NOS1AP: variants seen among roughly 807,000 people sequenced by gnomAD.
NOS1AP encodes the protein nitric oxide synthase 1 adaptor protein, also known as carboxyl-terminal PDZ ligand of neuronal nitric oxide synthase protein.
NOS1AP carries 21 observed loss-of-function variants against 56.2 expected under a neutral mutation model. That is an observed-to-expected ratio of 0.37 (90% CI 0.26 to 0.54). The LOEUF (loss-of-function observed/expected upper bound fraction) is 0.54, where lower values mean the gene tolerates loss of function less well. Among genes scored for constraint, NOS1AP ranks in the 20% least tolerant of loss-of-function variants. NOS1AP has a pLI of 0.84. For synonymous variants in NOS1AP, 270 were observed against 274.6 expected (o/e 0.98, Z 0.17); for missense variants, 522 against 657.8 (o/e 0.79, Z 2.26).
At chr1:162,277,472 C>G (rs1443850944) in intron 2 of NOS1AP, among the ~76,000 whole-genome samples, 2 of 152,204 alleles carry the variant, frequency 1.3e-5, no homozygotes, top group East Asian at 1.9e-4. Context: ...TGTAGTTTCT[C>G]TCTTCCCAGC....
chr1:162,070,075 G>A lies in NOS1AP; in HGVS notation c.-103G>A. ...CCCCTGCCCAGCGCTCCCAGGCCCC[G>A]CCACGCGTCGCCGCGCCCAGCTCCA... On this transcript the variant is annotated 5_prime_UTR_variant, in exon 1 of 10. Coordinates refer to ENST00000361897, the MANE Select transcript of NOS1AP (RefSeq NM_014697.3). 1 of 923,560 alleles carries A rather than the reference G, an allele frequency of 1.1e-6. No homozygotes were observed. The highest frequency in any genetic ancestry group is 1.7e-6 in the Non-Finnish European group (1 of 590,216). 57.2% of individuals were successfully genotyped at this position (923,560 alleles called of 1,614,324 possible).
At chr1:162,240,970 A>G (rs1330339911) in intron 2 of NOS1AP, among the ~76,000 whole-genome samples, 2 of 152,168 alleles carry the variant, frequency 1.3e-5, no homozygotes, top group South Asian at 2.1e-4. Flanking sequence ...GTGGCTGTTC[A>G]AGGGCTGTTG....
chr1:162,087,365 G>C (rs1692026975), intron 1 of NOS1AP, among the ~76,000 whole-genome samples: 1 of 152,094 alleles, frequency 6.6e-6, no homozygotes. Context: ...ATGTGGGAGG[G>C]AGGCAGCCAC....
At chr1:162,282,784 A>T (rs1654971184) in intron 2 of NOS1AP, among the ~76,000 whole-genome samples, 1 of 152,246 alleles carries the variant, frequency 6.6e-6, no homozygotes, top group Non-Finnish European at 1.5e-5. Context: ...CTAGATAGGT[A>T]GTGAACACAG....
At chr1:162,108,771 A>G (rs1478692350) in intron 1 of NOS1AP, among the ~76,000 whole-genome samples, 1 of 152,202 alleles carries the variant, frequency 6.6e-6, no homozygotes, top group Non-Finnish European at 1.5e-5. Flanking sequence ...AAACTATGGG[A>G]GTGCAATCAG....
chr1:162,209,522 A>G (rs141918976), intron 2 of NOS1AP, among the ~76,000 whole-genome samples: 1 of 152,308 alleles, frequency 6.6e-6, no homozygotes, highest in African/African-American at 2.4e-5. Flanking sequence ...GGACTTGAAC[A>G]AGTCAGTTTC....
chr1:162,319,879 C>T (rs1656356562), intron 4 of NOS1AP, among the ~76,000 whole-genome samples: 1 of 152,220 alleles, frequency 6.6e-6, no homozygotes, highest in South Asian at 2.1e-4. Flanking sequence ...CTCACATACT[C>T]TGTTTCCTGC....
At chr1:162,259,247 A>G (rs1295085069) in intron 2 of NOS1AP, among the ~76,000 whole-genome samples, 2 of 152,218 alleles carry the variant, frequency 1.3e-5, no homozygotes, top group African/African-American at 4.8e-5. Context: ...TCCCACATCC[A>G]GAAAGGCATT....
intron 2 of NOS1AP, among the ~76,000 whole-genome samples, chr1:162,250,669 C>T (rs1653819974): frequency 6.6e-6 from 1 of 152,074 alleles, no homozygotes; most frequent in South Asian, 2.1e-4. Context: ...TGTGCACAGC[C>T]CTATGGTGAT....
intron 3 of NOS1AP, among the ~76,000 whole-genome samples, chr1:162,294,580 T>A (rs1655390027): frequency 6.6e-6 from 1 of 152,152 alleles, no homozygotes; most frequent in Non-Finnish European, 1.5e-5. Context: ...TTCCTTCAAG[T>A]TAACCTACTC....
At chr1:162,279,603 A>G (rs1654853202) in intron 2 of NOS1AP, among the ~76,000 whole-genome samples, 1 of 152,160 alleles carries the variant, frequency 6.6e-6, no homozygotes, top group South Asian at 2.1e-4. Context: ...CTGGTATTTC[A>G]TACCCTTCCC....
At chr1:162,255,117 G>A (rs890040004) in intron 2 of NOS1AP, among the ~76,000 whole-genome samples, 6 of 152,154 alleles carry the variant, frequency 3.9e-5, no homozygotes, top group African/African-American at 1.4e-4. Flanking sequence ...ACATCTCCCT[G>A]GGGCTGCGGA....
intron 2 of NOS1AP, among the ~76,000 whole-genome samples, chr1:162,230,124 C>T (rs565527983): frequency 1.3e-5 from 2 of 152,130 alleles, no homozygotes; most frequent in East Asian, 1.9e-4. Flanking sequence ...AGACTCAGAT[C>T]TCCTTGCAGA....
intron 2 of NOS1AP, among the ~76,000 whole-genome samples, chr1:162,267,300 C>T (rs10800397): frequency 0.27 from 41,458 of 151,954 alleles, 5,881 homozygotes; most frequent in East Asian, 0.43. Context: ...GAGAATTATA[C>T]TAGAGTTTTC....
At chr1:162,337,650 C>G (rs545166836) in intron 5 of NOS1AP, among the ~76,000 whole-genome samples, 42 of 152,334 alleles carry the variant, frequency 2.8e-4, no homozygotes, top group Non-Finnish European at 5.4e-4. Flanking sequence ...GATTGTAACT[C>G]AGACTTCTTT....
At chr1:162,364,121 T>A in intron 8 of NOS1AP, 1 of 985,376 alleles carries the variant, frequency 1.0e-6, no homozygotes, top group Non-Finnish European at 1.2e-6. Flanking sequence ...AATGTGAATC[T>A]CTTTGGAGCA....
At chr1:162,164,742 TC>T (rs1458704158) in intron 2 of NOS1AP, among the ~76,000 whole-genome samples, 1 of 152,244 alleles carries the variant, frequency 6.6e-6, no homozygotes, top group Non-Finnish European at 1.5e-5. Context: ...CTTTTGGTAC[TC>T]AGCACATGAC....
chr1:162,079,737 A>G (rs921216243), intron 1 of NOS1AP, among the ~76,000 whole-genome samples: 3 of 152,228 alleles, frequency 2.0e-5, no homozygotes, highest in African/African-American at 7.2e-5. Flanking sequence ...GTTGCAATTT[A>G]GTTTCATCTG....
intron 1 of NOS1AP, among the ~76,000 whole-genome samples, chr1:162,121,309 G>A (rs1034342532): frequency 2.0e-5 from 3 of 151,770 alleles, no homozygotes; most frequent in African/African-American, 7.3e-5. Flanking sequence ...TGTATTTTTA[G>A]TGGAGACGGG....
Sources: gnomAD v4.1 joint callset for allele counts (sites outside exome capture counted in the v4.1 genomes callset) on GRCh38, gnomAD v4.1.1 for gene constraint, MANE v1.5 for transcripts, NCBI Gene and HGNC (gene_info 2026-07-23, HGNC 2026-07-21) for gene names.